Variants in GRID1 observed in about 807,000 individuals in gnomAD.
GRID1 encodes glutamate ionotropic receptor delta type subunit 1, also known as glutamate receptor ionotropic, delta-1.
Under a neutral mutation model 98.0 loss-of-function variants are expected in GRID1, and 28 were observed. That is an observed-to-expected ratio of 0.29 (90% CI 0.21 to 0.39). GRID1 has a LOEUF of 0.39. Among genes scored for constraint, GRID1 ranks in the 10% least tolerant of loss-of-function variants. GRID1 has a pLI of 1.00. For synonymous variants in GRID1, 553 were observed against 538.5 expected, an observed-to-expected ratio of 1.03 and a Z score of -0.37; for missense variants, 1,111 against 1,340.5, an observed-to-expected ratio of 0.83 and a Z score of 2.67.
In GRID1 at chr10:86,348,714, A is replaced by T. The variant is rs59909889; in HGVS notation, c.235+15227T>A. Among the ~76,000 whole-genome samples the T allele has an allele frequency of 9.3e-3, 1,416 of 152,358 alleles. 15 individuals are homozygous for T. Among genetic ancestry groups the T allele is most frequent in the South Asian group, 0.022 (108 of 4,834 alleles). On this transcript the variant is annotated intron_variant, in intron 2 of 15. Transcript: ENST00000327946. ...CCCAGGGCAAGGCCAAGGCAGAGCC[A>T]CATGCATGCCCCTGCTGGCTGCACC...
At chr10:86,173,239 A>G (rs1189094075) in intron 3 of GRID1, among the ~76,000 whole-genome samples, 2 of 152,086 alleles carry the variant, frequency 1.3e-5, no homozygotes, top group Admixed American at 1.3e-4. Context: ...GGGTCTTGCT[A>G]TGTTGCCCAG....
chr10:86,266,496 TG>T (rs1847105250), intron 2 of GRID1, among the ~76,000 whole-genome samples: 1 of 152,200 alleles, frequency 6.6e-6, no homozygotes, highest in African/African-American at 2.4e-5. Flanking sequence ...TGCCCTAATC[TG>T]GTTCGAGGCT....
chr10:86,336,179 G>C (rs1204387234), intron 2 of GRID1, among the ~76,000 whole-genome samples: 2 of 152,226 alleles, frequency 1.3e-5, no homozygotes, highest in Non-Finnish European at 2.9e-5. Context: ...GGACTTACTT[G>C]TCCAGTGTTG....
intron 3 of GRID1, among the ~76,000 whole-genome samples, chr10:86,166,875 A>G (rs1845407138): frequency 6.6e-6 from 1 of 152,202 alleles, no homozygotes. Flanking sequence ...CAAACAGTTA[A>G]GCCAGAGCCA....
chr10:86,208,757 A>G (rs2132021441), intron 2 of GRID1, among the ~76,000 whole-genome samples: 1 of 152,314 alleles, frequency 6.6e-6, no homozygotes, highest in Middle Eastern at 3.4e-3. Context: ...ATCCTTTCCC[A>G]GACACAGGCT....
At position 85,602,260 on chromosome 10, in the gene GRID1, G is replaced by T. The variant is rs1046892883; in HGVS notation, c.*13C>A. On this transcript the variant is annotated 3_prime_UTR_variant, in exon 16 of 16. Transcript: ENST00000327946. ...GGTGGGTGGGAGGGTGGGCAGGAGG[G>T]CAGGCGGCGCAGTCAGATGGAGGTC... The T allele has an allele frequency of 6.8e-7, 1 of 1,471,374 alleles. No individual in the cohort carries two copies. Among genetic ancestry groups the T allele is most frequent in the Admixed American group, 2.6e-5 (1 of 38,596 alleles). 91.1% of individuals were successfully genotyped at this position (1,471,374 alleles called of 1,614,324 possible).
intron 4 of GRID1, among the ~76,000 whole-genome samples, chr10:86,061,918 G>T (rs1255652458): frequency 6.6e-6 from 1 of 152,180 alleles, no homozygotes; most frequent in Non-Finnish European, 1.5e-5. Flanking sequence ...GCAGAAAAGA[G>T]ATGAGGAAGC....
intron 2 of GRID1, among the ~76,000 whole-genome samples, chr10:86,281,382 C>G (rs1261593370): frequency 5.9e-5 from 9 of 152,172 alleles, no homozygotes; most frequent in African/African-American, 2.2e-4. Context: ...TTATGGGGTA[C>G]AGCAAGGTGG....
At chr10:85,762,385 T>C (rs1439664974) in intron 8 of GRID1, among the ~76,000 whole-genome samples, 2 of 152,236 alleles carry the variant, frequency 1.3e-5, no homozygotes, top group Non-Finnish European at 2.9e-5. Context: ...AGATCCCCAA[T>C]GAACATTTTA....
At chr10:85,953,924 G>T (rs1205108698) in intron 4 of GRID1, among the ~76,000 whole-genome samples, 4 of 152,098 alleles carry the variant, frequency 2.6e-5, no homozygotes, top group African/African-American at 9.7e-5. Flanking sequence ...TTACCTCTCT[G>T]TGGTAGAAAA....
chr10:85,958,831 C>A (rs1842227513), intron 4 of GRID1, among the ~76,000 whole-genome samples: 1 of 151,902 alleles, frequency 6.6e-6, no homozygotes, highest in South Asian at 2.1e-4. Flanking sequence ...ATGGCACATG[C>A]CTGTAATCCC....
chr10:86,218,962 C>G (rs1846213253), intron 2 of GRID1, among the ~76,000 whole-genome samples: 1 of 152,204 alleles, frequency 6.6e-6, no homozygotes, highest in Non-Finnish European at 1.5e-5. Flanking sequence ...CTGGTCCACC[C>G]ACTATCGACA....
At chr10:85,703,817 C>A (rs11201740) in intron 12 of GRID1, among the ~76,000 whole-genome samples, 19,400 of 151,954 alleles carry the variant, frequency 0.13, 1,409 homozygotes, top group Middle Eastern at 0.24. Flanking sequence ...GTTAAAAATT[C>A]TCCTTTAAAA....
intron 2 of GRID1, among the ~76,000 whole-genome samples, chr10:86,361,093 G>C (rs1303366691): frequency 6.6e-6 from 1 of 152,178 alleles, no homozygotes; most frequent in African/African-American, 2.4e-5. Context: ...CCAGCAGTGA[G>C]ATATAAGGCA....
intron 4 of GRID1, among the ~76,000 whole-genome samples, chr10:85,982,193 C>CAAAA (rs5786730): frequency 7.7e-6 from 1 of 129,920 alleles, no homozygotes; most frequent in Non-Finnish European, 1.7e-5. Context: ...GCTCTTGCCA[C>CAAAA]AAAAAAAAAA....
At chr10:85,767,885 A>T (rs1676332227) in intron 8 of GRID1, among the ~76,000 whole-genome samples, 1 of 152,240 alleles carries the variant, frequency 6.6e-6, no homozygotes, top group Non-Finnish European at 1.5e-5. Flanking sequence ...GGCTGGTGCC[A>T]CAGCTATAGT....
chr10:86,210,206 G>A (rs528205223), intron 2 of GRID1, among the ~76,000 whole-genome samples: 91 of 152,300 alleles, frequency 6.0e-4, no homozygotes, highest in Middle Eastern at 3.4e-3. Flanking sequence ...TCTCAGGAGA[G>A]CAGCACAAGG....
At chr10:85,723,697 T>C (rs980777936) in intron 11 of GRID1, among the ~76,000 whole-genome samples, 1 of 152,210 alleles carries the variant, frequency 6.6e-6, no homozygotes, top group Non-Finnish European at 1.5e-5. Flanking sequence ...ATGAGACTTT[T>C]AGTTAGAAGT....
intron 4 of GRID1, among the ~76,000 whole-genome samples, chr10:86,105,349 C>T (rs1844365946): frequency 6.6e-6 from 1 of 152,166 alleles, no homozygotes; most frequent in South Asian, 2.1e-4. Flanking sequence ...GGGTGTAGCG[C>T]TCTGGCCAAG....
Sources: gnomAD v4.1 joint callset for allele counts (sites outside exome capture counted in the v4.1 genomes callset) on GRCh38, gnomAD v4.1.1 for gene constraint, MANE v1.5 for transcripts, NCBI Gene and HGNC (gene_info 2026-07-23, HGNC 2026-07-21) for gene names.